Variants in STK38L observed in about 807,000 individuals in gnomAD.
STK38L encodes the protein serine/threonine kinase 38 like, also known as serine/threonine-protein kinase 38-like.
In STK38L, 28 loss-of-function variants were observed where a neutral mutation model predicts 59.7. That is an observed-to-expected ratio of 0.47 (90% CI 0.35 to 0.64). STK38L has a LOEUF of 0.64. Ranked by LOEUF, STK38L falls within the 30% of genes least tolerant of loss-of-function variation. The probability of loss-of-function intolerance (pLI) is 0.01; values close to 1 mark genes in which losing one functional copy is unlikely to be tolerated. For synonymous variants in STK38L, 162 were observed against 176.8 expected (o/e 0.92, Z 0.66); for missense variants, 314 against 555.8 (o/e 0.56, Z 4.37).
At chr12:27,291,730 C>G (rs760037655) in intron 1 of STK38L, among the ~76,000 whole-genome samples, 5 of 152,112 alleles carry the variant, frequency 3.3e-5, no homozygotes, top group Admixed American at 6.6e-5. Context: ...TTATTGTAGC[C>G]TAGGGCATTA....
rs545977061 is a variant in STK38L, at chr12:27,318,927, C to T, written c.1080-401C>T. On this transcript the variant is annotated intron_variant, in intron 11 of 13. Coordinates refer to ENST00000389032, the MANE Select transcript of STK38L (RefSeq NM_015000.4). Reference sequence around the variant, plus strand: ...AATGACATGAACCCGGGAGGTGGAGCTTGCAGTGAGCTGAGATCACGCCAC... The same window carrying T: ...AATGACATGAACCCGGGAGGTGGAGTTTGCAGTGAGCTGAGATCACGCCAC... Among the ~76,000 whole-genome samples the T allele has an allele frequency of 3.4e-3, 525 of 152,184 alleles. 4 individuals carry two copies. Among genetic ancestry groups the T allele is most frequent in the Non-Finnish European group, 2.4e-3 (160 of 68,014 alleles).
At position 27,312,618 on chromosome 12, in the gene STK38L, T is replaced by C; in HGVS notation, c.463T>C (p.Tyr155His). Residue 155 changes from tyrosine to histidine, a missense_variant, in exon 6 of 14, where the codon TAC (tyrosine) becomes CAC (histidine). Physicochemically the swap from Tyr to His is moderately conservative, Grantham distance 83. This residue lies in a region of STK38L where 192 missense variants were observed against 316.9 expected (regional missense o/e 0.61). Transcript: ENST00000389032. ...ADGAWVVKMF[Y>H]SFQDKRNLYL... ...TGGTGCCTGGGTGGTGAAGATGTTT[T>C]ACAGTTTTCAGGATAAGAGGAATCT... 1 of 1,614,136 alleles carries C rather than the reference T, an allele frequency of 6.2e-7. No individual in the cohort carries two copies. The highest frequency in any genetic ancestry group is 8.5e-7 in the Non-Finnish European group (1 of 1,180,008).
At chr12:27,311,965 C>T (rs1244480898) in intron 5 of STK38L, among the ~76,000 whole-genome samples, 2 of 152,004 alleles carry the variant, frequency 1.3e-5, no homozygotes, top group Non-Finnish European at 2.9e-5. Flanking sequence ...CTGCAACCTC[C>T]GCCTCCCGGG....
intron 1 of STK38L, among the ~76,000 whole-genome samples, chr12:27,288,129 G>A (rs576405424): frequency 2.0e-5 from 3 of 152,250 alleles, no homozygotes; most frequent in East Asian, 3.9e-4. Context: ...TCATCCACCT[G>A]CCTTAGCCTT....
chr12:27,318,503 G>A (rs1944641786), intron 11 of STK38L, among the ~76,000 whole-genome samples: 1 of 152,122 alleles, frequency 6.6e-6, no homozygotes, highest in Admixed American at 6.6e-5. Flanking sequence ...CCTAAACTAT[G>A]TATGACCTTT....
intron 9 of STK38L, among the ~76,000 whole-genome samples, 193 bp downstream of exon 9, chr12:27,315,543 A>C (rs1432821184): frequency 6.6e-6 from 1 of 152,144 alleles, no homozygotes; most frequent in Non-Finnish European, 1.5e-5. Context: ...GTTGGTTTTT[A>C]CTTTGTAACT....
In STK38L at chr12:27,308,495, A is replaced by G; in HGVS notation, c.309+34A>G. 2 of 1,526,142 alleles carry G rather than the reference A, an allele frequency of 1.3e-6. No homozygotes were observed. The highest frequency in any genetic ancestry group is 1.8e-6 in the Non-Finnish European group (2 of 1,138,418). 94.5% of individuals were successfully genotyped at this position (1,526,142 alleles called of 1,614,324 possible). On this transcript the variant is annotated intron_variant, in intron 4 of 13. Coordinates refer to ENST00000389032, the MANE Select transcript of STK38L (RefSeq NM_015000.4). This position sits in a 1 kb window ranked among gnomAD's most constrained non-coding sequence, Gnocchi z 4.5. The stretch of plus-strand genomic sequence containing the variant: ...CTTTTTAAAAGTCACTACTGCTGCA[A>G]ATATATATCTTAAGATAATTTAAAA...
intron 1 of STK38L, among the ~76,000 whole-genome samples, chr12:27,292,954 T>C (rs12821066): frequency 0.25 from 37,281 of 152,004 alleles, 4,660 homozygotes; most frequent in South Asian, 0.32. Context: ...TTTTGTTTGT[T>C]TTTTTAGCCT....
intron 1 of STK38L, among the ~76,000 whole-genome samples, chr12:27,260,621 C>A (rs568177795): frequency 1.3e-5 from 2 of 152,178 alleles, no homozygotes; most frequent in African/African-American, 4.8e-5. Context: ...TTTGCACTTA[C>A]CATACATGCT....
chr12:27,261,075 G>A (rs1264224247), intron 1 of STK38L, among the ~76,000 whole-genome samples: 1 of 152,122 alleles, frequency 6.6e-6, no homozygotes, highest in African/African-American at 2.4e-5. Flanking sequence ...AAAATTCCAT[G>A]GTAAATTGCT....
chr12:27,256,405 T>C (rs1418720567), intron 1 of STK38L, among the ~76,000 whole-genome samples: 1 of 152,178 alleles, frequency 6.6e-6, no homozygotes, highest in African/African-American at 2.4e-5. Flanking sequence ...GTACCTTCGG[T>C]CTCACACACT....
At chr12:27,298,713 T>C (rs898318252) in intron 2 of STK38L, among the ~76,000 whole-genome samples, 4 of 152,114 alleles carry the variant, frequency 2.6e-5, no homozygotes, top group African/African-American at 9.7e-5. Flanking sequence ...GAACTATTTA[T>C]ACATGCATAA....
intron 1 of STK38L, among the ~76,000 whole-genome samples, chr12:27,287,023 G>A (rs952182323): frequency 2.0e-5 from 3 of 151,074 alleles, no homozygotes; most frequent in Non-Finnish European, 4.4e-5. Flanking sequence ...GTCTCCTTTC[G>A]ACTTTAACAT....
At chr12:27,280,442 G>C (rs1211208527) in intron 1 of STK38L, among the ~76,000 whole-genome samples, 1 of 152,200 alleles carries the variant, frequency 6.6e-6, no homozygotes. Flanking sequence ...TAGGTTAGAT[G>C]TAAGAACGCT....
chr12:27,310,457 A>G (rs1427111070), intron 5 of STK38L, among the ~76,000 whole-genome samples: 1 of 152,200 alleles, frequency 6.6e-6, no homozygotes, highest in Non-Finnish European at 1.5e-5. Context: ...TAGGAAGGAC[A>G]GAAGGAAGCA....
intron 5 of STK38L, among the ~76,000 whole-genome samples, chr12:27,311,767 A>G (rs938942785): frequency 6.6e-6 from 1 of 152,108 alleles, no homozygotes; most frequent in South Asian, 2.1e-4. Flanking sequence ...AATTGTTACT[A>G]TTTCTTTAAA....
chr12:27,317,543 AT>A, intron 10 of STK38L, 90 bp downstream of exon 10: 1 of 1,083,284 alleles, frequency 9.2e-7, no homozygotes, highest in South Asian at 1.5e-5. Context: ...TGACTAAAAT[AT>A]TTGAAGTCTT....
chr12:27,268,121 T>G (rs1026075950), intron 1 of STK38L, among the ~76,000 whole-genome samples: 1 of 152,054 alleles, frequency 6.6e-6, no homozygotes, highest in African/African-American at 2.4e-5. Flanking sequence ...TGATGCTAAT[T>G]TTTTTTTAAT....
At chr12:27,266,432 T>G (rs1943302472) in intron 1 of STK38L, among the ~76,000 whole-genome samples, 2 of 152,178 alleles carry the variant, frequency 1.3e-5, no homozygotes, top group African/African-American at 2.4e-5. Context: ...TCTATTGAAC[T>G]TTACTTAAGT....
Sources: gnomAD v4.1 joint callset for allele counts (sites outside exome capture counted in the v4.1 genomes callset) on GRCh38, gnomAD v4.1.1 for gene constraint, gnomAD v4.1.1 regional missense constraint, Gnocchi (gnomAD v3.1) non-coding constraint, MANE v1.5 for transcripts, NCBI Gene and HGNC (gene_info 2026-07-23, HGNC 2026-07-21) for gene names.